FAM53C: variants seen among roughly 807,000 people sequenced by gnomAD.
FAM53C encodes protein FAM53C.
In FAM53C, 10 loss-of-function variants were observed where a neutral mutation model predicts 34.7. The ratio of observed to expected loss-of-function variants is 0.29; its 90% CI spans 0.18 to 0.49. The LOEUF is 0.49. Among genes scored for constraint, FAM53C ranks in the 20% least tolerant of loss-of-function variants. The pLI is 0.99. For synonymous variants in FAM53C, 203 were observed against 203.6 expected, an observed-to-expected ratio of 1.00 and a Z score of 0.03; for missense variants, 442 against 515.3, an observed-to-expected ratio of 0.86 and a Z score of 1.38.
rs1268909163 is a variant in FAM53C at position 138,346,732 on chromosome 5, G to A, written c.952G>A (p.Glu318Lys). 14 of 1,614,182 alleles carry A rather than the reference G, an allele frequency of 8.7e-6. No individual in the cohort carries two copies. Among genetic ancestry groups the A allele is most frequent in the Non-Finnish European group, 1.2e-5 (14 of 1,180,036 alleles). ...KPYSGGLCLQ[E>K]TAREGSSISP... The stretch of plus-strand genomic sequence containing the variant: ...ATACTCAGGAGGTCTTTGTCTCCAA[G>A]AAACAGCCCGGGAAGGCAGCAGCAT... The change falls in exon 5 of 5, where the codon GAA becomes AAA. Residue 318 changes from glutamate (E) to lysine (K), a missense_variant. Coordinates refer to ENST00000239906, the MANE Select transcript of FAM53C (RefSeq NM_016605.3).
In FAM53C at chr5:138,347,373, T is replaced by C; in HGVS notation, c.*414T>C. ...CCTCCTCAGAGAAACTGCGTGAGAG[T>C]GTGTGCGTGCATGGGAGTGTACTTG... On this transcript the variant is annotated 3_prime_UTR_variant, in exon 5 of 5. Transcript: ENST00000239906. 1 of 261,424 alleles carries C rather than the reference T, an allele frequency of 3.8e-6. No individual in the cohort carries two copies. The highest frequency in any genetic ancestry group is 7.5e-6 in the Non-Finnish European group (1 of 133,768). 16.2% of individuals were successfully genotyped at this position (261,424 alleles called of 1,614,324 possible).
chr5:138,338,974 T>C (rs1270884340), intron 1 of FAM53C, among the ~76,000 whole-genome samples: 2 of 152,150 alleles, frequency 1.3e-5, no homozygotes, highest in African/African-American at 4.8e-5. Flanking sequence ...TGTCAGGGGT[T>C]ACTGCCATCC....
At position 138,346,832 on chromosome 5, in the gene FAM53C, A is replaced by T; in HGVS notation, c.1052A>T (p.Gln351Leu). 6.2e-7 allele frequency: 1 copy of T among 1,614,098 alleles called. No homozygotes were observed. Among genetic ancestry groups the T allele is most frequent in the South Asian group, 1.1e-5 (1 of 91,082 alleles). ...ASCSPTGGSSQVLSESEEEEE... is the reference protein window; with the variant it reads ...ASCSPTGGSSLVLSESEEEEE... ...TGCAGCCCCACTGGGGGTTCCTCCC[A>T]GGTGCTGAGTGAAAGCGAAGAGGAG... is the stretch of plus-strand genomic sequence containing the variant. The change falls in exon 5 of 5, where the codon CAG becomes CTG. Residue 351 changes from glutamine (Q) to leucine (L), a missense_variant. Coordinates refer to ENST00000239906, the MANE Select transcript of FAM53C (RefSeq NM_016605.3).
Position 138,347,258 on chromosome 5 carries a change from G to C in FAM53C, c.*299G>C, listed in dbSNP as rs1761206173. 7.0e-6 allele frequency: 3 copies of C among 426,256 alleles called. No individual in the cohort carries two copies. Among genetic ancestry groups the C allele is most frequent in the Non-Finnish European group, 1.3e-5 (3 of 234,828 alleles). 26.4% of individuals were successfully genotyped at this position (426,256 alleles called of 1,614,324 possible). On this transcript the variant is annotated 3_prime_UTR_variant, in exon 5 of 5. Coordinates refer to ENST00000239906, the MANE Select transcript of FAM53C (RefSeq NM_016605.3). Reference sequence around the variant, plus strand: ...CAATGGGCAGGGAAGGAAGGGGTCTGCCGACCCCAGCTCGGGGAATTTCAC... The same window carrying C: ...CAATGGGCAGGGAAGGAAGGGGTCTCCCGACCCCAGCTCGGGGAATTTCAC...
Position 138,345,726 on chromosome 5 carries a change from T to C in FAM53C, c.921+117T>C. ...CGCCCCCACCACCAACAGCACCTCC[T>C]TTAGCTCTTAGCTAGGGTGACCTAC... On this transcript the variant is annotated intron_variant, in intron 4 of 4. Coordinates refer to ENST00000239906, the MANE Select transcript of FAM53C (RefSeq NM_016605.3). The surrounding 1 kb of genome is among the most constrained non-coding windows in gnomAD (Gnocchi z 6.3). The C allele has an allele frequency of 8.2e-7, 1 of 1,225,072 alleles. No individual in the cohort carries two copies. The allele number at this position is 1,225,072 out of a possible 1,614,324, so 75.9% of individuals were successfully genotyped here.
In FAM53C at chr5:138,348,496, C is replaced by T. The variant is rs183076433; in HGVS notation, c.*1537C>T. The T allele has an allele frequency of 8.5e-5, 13 of 152,304 alleles. No individual in the cohort carries two copies. Among genetic ancestry groups the T allele is most frequent in the African/African-American group, 3.1e-4 (13 of 41,570 alleles). 9.4% of individuals were successfully genotyped at this position (152,304 alleles called of 1,614,324 possible). On this transcript the variant is annotated 3_prime_UTR_variant, in exon 5 of 5. Transcript: ENST00000239906. ...TTTATGGCAAGAAGGGCATTTTTCT[C>T]TTCAATTTCCAGGGTTTCCTAGGAC...
intron 1 of FAM53C, among the ~76,000 whole-genome samples, chr5:138,340,348 A>C (rs1193199777): frequency 6.6e-6 from 1 of 152,210 alleles, no homozygotes; most frequent in Admixed American, 6.5e-5. Context: ...CTTGCTGCTC[A>C]TTTCCGGGAA....
chr5:138,338,010 C>T (rs2126878317), upstream of FAM53C: 1 of 1,289,660 alleles, frequency 7.8e-7, no homozygotes, highest in Non-Finnish European at 1.0e-6. Flanking sequence ...CAACTGGGGC[C>T]GTCCACTTTC....
rs775731694 is a variant in FAM53C at position 138,345,377 on chromosome 5, G to T, written c.689G>T (p.Arg230Leu). 6.2e-7 allele frequency: 1 copy of T among 1,614,032 alleles called. No homozygotes were observed. The highest frequency in any genetic ancestry group is 8.5e-7 in the Non-Finnish European group (1 of 1,180,012). ...ESLSPCPPQR[R>L]FSLSPSLGPQ... ...TTGTCACCTTGCCCACCTCAGCGCC[G>T]CTTCTCCCTGTCACCCAGTCTGGGC... Residue 230 changes from arginine to leucine, a missense_variant, in exon 4 of 5, where the codon CGC (arginine) becomes CTC (leucine). Coordinates refer to ENST00000239906, the MANE Select transcript of FAM53C (RefSeq NM_016605.3). This position sits in a 1 kb window ranked among gnomAD's most constrained non-coding sequence, Gnocchi z 6.3.
At position 138,346,449 on chromosome 5, in the gene FAM53C, C is replaced by A. The variant is rs1761176978; in HGVS notation, c.922-253C>A. On this transcript the variant is annotated intron_variant, in intron 4 of 4. Coordinates refer to ENST00000239906, the MANE Select transcript of FAM53C (RefSeq NM_016605.3). ...GACCATCCTGGCTAACACGGTGAAA[C>A]CTCGTCTCTACTAAAAATATAAAAA... is the stretch of plus-strand genomic sequence containing the variant. Among the ~76,000 whole-genome samples, 12 of 152,190 alleles carry A rather than the reference C, an allele frequency of 7.9e-5. No homozygotes were observed. The South Asian group carries it at 2.5e-3, about 32-fold the overall frequency.
chr5:138,346,682 C>T lies in FAM53C; in HGVS notation c.922-20C>T. Reference sequence around the variant, plus strand: ...AATTCTTGCCTTCAGGTGTAACTGTCTTCTTTGTTTGTTTGACAGAAACCA... The same window carrying T: ...AATTCTTGCCTTCAGGTGTAACTGTTTTCTTTGTTTGTTTGACAGAAACCA... On this transcript the variant is annotated intron_variant, in intron 4 of 4. Coordinates refer to ENST00000239906, the MANE Select transcript of FAM53C (RefSeq NM_016605.3). 1.2e-6 allele frequency: 2 copies of T among 1,613,770 alleles called. No individual in the cohort carries two copies. Among genetic ancestry groups the T allele is most frequent in the Non-Finnish European group, 1.7e-6 (2 of 1,179,912 alleles).
intron 1 of FAM53C, among the ~76,000 whole-genome samples, chr5:138,340,482 G>T (rs1224993249): frequency 1.3e-5 from 2 of 152,226 alleles, no homozygotes; most frequent in Non-Finnish European, 2.9e-5. Context: ...ATCAGAAGTT[G>T]ACCACGAGAA....
rs778171786 is a variant in FAM53C, at chr5:138,344,775, A to G, written c.137-50A>G. 3 of 1,460,632 alleles carry G rather than the reference A, an allele frequency of 2.1e-6. No individual in the cohort carries two copies. The African/African-American group carries it at 4.3e-5, about 21-fold the overall frequency. 90.5% of individuals were successfully genotyped at this position (1,460,632 alleles called of 1,614,324 possible). ...ATTATGTGGCAAATGGTAAGTTCTT[A>G]AAAAATGTAAGCTATCATTAATATT... On this transcript the variant is annotated intron_variant, in intron 3 of 4. Transcript: ENST00000239906.
chr5:138,338,105 C>T, upstream of FAM53C: 2 of 1,289,860 alleles, frequency 1.6e-6, no homozygotes, highest in Non-Finnish European at 2.0e-6. Flanking sequence ...CCCAACAGCG[C>T]TGTCCGAGAG....
rs964696198 is a variant in FAM53C, at chr5:138,345,778, A to C, written c.921+169A>C. On this transcript the variant is annotated intron_variant, in intron 4 of 4. Coordinates refer to ENST00000239906, the MANE Select transcript of FAM53C (RefSeq NM_016605.3). The surrounding 1 kb of genome is among the most constrained non-coding windows in gnomAD (Gnocchi z 6.3). ...ATCCCAGTTTGCCTGGGACTGTCCC[A>C]GTGTTAGCACTGAAAGTCCCCCCAT... 6.6e-6 allele frequency among the ~76,000 whole-genome samples: 1 copy of C among 152,248 alleles called. No individual in the cohort carries two copies. Among genetic ancestry groups the C allele is most frequent in the Non-Finnish European group, 1.5e-5 (1 of 68,044 alleles).
chr5:138,349,034 C>G lies in FAM53C; in HGVS notation c.*2075C>G, dbSNP rs568406913. The stretch of plus-strand genomic sequence containing the variant: ...CTGGTTTCCCCAAAGCCCCAGGGCA[C>G]CATCCTTAGGGGAGAAGGTCTACAG... On this transcript the variant is annotated 3_prime_UTR_variant, in exon 5 of 5. Transcript: ENST00000239906. 61 of 152,226 alleles carry G rather than the reference C, an allele frequency of 4.0e-4. 1 individual carries two copies. Among genetic ancestry groups the G allele is most frequent in the Admixed American group, 3.3e-3 (50 of 15,290 alleles). 9.4% of individuals were successfully genotyped at this position (152,226 alleles called of 1,614,324 possible). A position where few individuals can be genotyped will look rare whatever the true frequency, so the allele number is the denominator to read the frequency against.
Position 138,345,423 on chromosome 5 carries a change from G to A in FAM53C, c.735G>A (p.Leu245=), listed in dbSNP as rs1761144380. ...TGGGCCCGCAGGCAAGCCGCTTCTT[G>A]CCCTCTGCCCGGAGCTCTCCCGCAT... The part of the protein sequence containing the change: ...PSLGPQASRF[L]PSARSSPASS... The change falls in exon 4 of 5, where the codon TTG becomes TTA. Residue 245 remains leucine (L), a synonymous_variant. Coordinates refer to ENST00000239906, the MANE Select transcript of FAM53C (RefSeq NM_016605.3). This position sits in a 1 kb window ranked among gnomAD's most constrained non-coding sequence, Gnocchi z 6.3. The A allele has an allele frequency of 6.2e-7, 1 of 1,613,960 alleles. No individual in the cohort carries two copies. Among genetic ancestry groups the A allele is most frequent in the South Asian group, 1.1e-5 (1 of 91,086 alleles).
intron 3 of FAM53C, chr5:138,342,706 A>G (rs1761065917): frequency 6.6e-6 from 1 of 151,930 alleles, no homozygotes; most frequent in African/African-American, 2.4e-5. Flanking sequence ...TAGCCTGGGC[A>G]ACAAGAGCAA....
Position 138,346,820 on chromosome 5 carries a change from G to C in FAM53C, c.1040G>C (p.Gly347Ala). 2 of 1,614,150 alleles carry C rather than the reference G, an allele frequency of 1.2e-6. No homozygotes were observed. The highest frequency in any genetic ancestry group is 1.7e-6 in the Non-Finnish European group (2 of 1,180,034). The change falls in exon 5 of 5, where the codon GGG (glycine) becomes GCG (alanine). Residue 347 changes from glycine to alanine, a missense_variant. Gly to Ala is a moderately conservative substitution (Grantham distance 60, BLOSUM62 0). Coordinates refer to ENST00000239906, the MANE Select transcript of FAM53C (RefSeq NM_016605.3). Reference sequence around the variant, plus strand: ...CTCTCTGCTTCCTGCAGCCCCACTGGGGGTTCCTCCCAGGTGCTGAGTGAA... The same window carrying C: ...CTCTCTGCTTCCTGCAGCCCCACTGCGGGTTCCTCCCAGGTGCTGAGTGAA... ...PPLSASCSPT[G>A]GSSQVLSESE...
Sources: gnomAD v4.1 joint callset for allele counts (sites outside exome capture counted in the v4.1 genomes callset) on GRCh38, gnomAD v4.1.1 for gene constraint, Gnocchi (gnomAD v3.1) non-coding constraint, MANE v1.5 for transcripts, NCBI Gene and HGNC (gene_info 2026-07-23, HGNC 2026-07-21) for gene names.